Variants in SCTR observed in about 807,000 individuals in gnomAD.
SCTR encodes pancreatic secretin receptor.
In SCTR, 56 loss-of-function variants were observed where a neutral mutation model predicts 60.8. That is an observed-to-expected ratio of 0.92 (90% confidence interval 0.74 to 1.15). The LOEUF is 1.15. SCTR is among the 50% of genes most tolerant of loss of function. The pLI is 0.00. For synonymous variants in SCTR, 202 were observed against 217.0 expected (o/e 0.93, Z 0.61); for missense variants, 562 against 550.4 (o/e 1.02, Z -0.21).
At chr2:119,440,469 C>A (rs536267211) in intron 12 of SCTR, among the ~76,000 whole-genome samples, 13 of 152,352 alleles carry the variant, frequency 8.5e-5, no homozygotes, top group African/African-American at 3.1e-4. Context: ...CACCTGCAAT[C>A]TCATTACATC....
At chr2:119,514,065 G>A (rs774850719) in intron 1 of SCTR, among the ~76,000 whole-genome samples, 23 of 152,180 alleles carry the variant, frequency 1.5e-4, no homozygotes, top group Non-Finnish European at 2.6e-4. Context: ...ACATAGTCGT[G>A]GTTGGTCCCA....
chr2:119,494,722 A>G (rs1362915311), intron 1 of SCTR, among the ~76,000 whole-genome samples, 174 bp from the exon 2 acceptor site: 1 of 152,222 alleles, frequency 6.6e-6, no homozygotes. Context: ...CTGGGAGAGA[A>G]TTCAGAACAC....
At chr2:119,507,666 TTTTTTTTTTTTTTC>T (rs1336046325) in intron 1 of SCTR, among the ~76,000 whole-genome samples, 3 of 131,780 alleles carry the variant, frequency 2.3e-5, no homozygotes, top group East Asian at 3.2e-4. Context: ...TCTCGTTCTT[TTTTTTTTTTTTTTC>T]TTTTTTTTTT....
At chr2:119,465,224 G>T (rs1206039995) in intron 5 of SCTR, among the ~76,000 whole-genome samples, 1 of 152,168 alleles carries the variant, frequency 6.6e-6, no homozygotes, top group Non-Finnish European at 1.5e-5. Context: ...GCTCTTGTTG[G>T]CCCTGGTGTT....
At chr2:119,498,545 A>G (rs1678428551) in intron 1 of SCTR, among the ~76,000 whole-genome samples, 1 of 152,120 alleles carries the variant, frequency 6.6e-6, no homozygotes, top group Non-Finnish European at 1.5e-5. Context: ...TTTTATTCTA[A>G]ATGTATATCA....
chr2:119,483,249 G>A (rs144776370), intron 2 of SCTR, among the ~76,000 whole-genome samples: 41 of 152,352 alleles, frequency 2.7e-4, no homozygotes, highest in Middle Eastern at 3.4e-3. Context: ...ACATCCTGGA[G>A]CTGAGGTTGA....
chr2:119,481,029 C>T lies in SCTR; in HGVS notation c.194-2111G>A, dbSNP rs1258888802. ...GCTATCCAGAGGAAGAGCTCAAAGC[C>T]CAACTGAAAAGCCTGCCCAGAGCAG... On this transcript the variant is annotated intron_variant, in intron 2 of 12. Coordinates refer to ENST00000019103, the MANE Select transcript of SCTR (RefSeq NM_002980.3). 4.6e-5 allele frequency among the ~76,000 whole-genome samples: 7 copies of T among 152,244 alleles called. No homozygotes were observed. In the East Asian group the frequency reaches 1.3e-3, roughly 29 times the overall value.
chr2:119,475,552 C>G (rs1025647830), intron 3 of SCTR, among the ~76,000 whole-genome samples: 4 of 150,766 alleles, frequency 2.7e-5, no homozygotes, highest in East Asian at 2.0e-4. Context: ...GGAAACTTAA[C>G]CAGGCACAGG....
Position 119,490,946 on chromosome 2 carries a change from C to T in SCTR, c.193+3482G>A, listed in dbSNP as rs373743638. On this transcript the variant is annotated intron_variant, in intron 2 of 12. Coordinates refer to ENST00000019103, the MANE Select transcript of SCTR (RefSeq NM_002980.3). ...GCACTGGTGGATGCATCCTCCAGCT[C>T]CTGTGCGACTTGGAGGCGTGTGTTC... 1.1e-4 allele frequency among the ~76,000 whole-genome samples: 16 copies of T among 152,296 alleles called. No homozygotes were observed. The East Asian group carries it at 2.5e-3, about 24-fold the overall frequency.
Position 119,478,901 on chromosome 2 carries a change from C to T in SCTR, c.211G>A (p.Asp71Asn). 6.2e-7 allele frequency: 1 copy of T among 1,614,204 alleles called. No individual in the cohort carries two copies. ...QPVPGCEGMW[D>N]NISCWPSSVP... ...GAAGAGGGCCAGCAGCTTATGTTGTCCCACATCCCCTCACAACCTGCCAAG... is the reference window on the plus strand; with the variant it reads ...GAAGAGGGCCAGCAGCTTATGTTGTTCCACATCCCCTCACAACCTGCCAAG... Residue 71 changes from aspartate to asparagine, a missense_variant, in exon 3 of 13, where the codon GAC (aspartate) becomes AAC (asparagine). Transcript: ENST00000019103.
chr2:119,494,290 A>T, intron 2 of SCTR, 138 bp downstream of exon 2: 1 of 929,334 alleles, frequency 1.1e-6, no homozygotes, highest in Non-Finnish European at 1.6e-6. Flanking sequence ...GCCCTGCCCC[A>T]CCAGCTGATT....
chr2:119,500,115 A>G (rs1010690855), intron 1 of SCTR, among the ~76,000 whole-genome samples: 1 of 152,186 alleles, frequency 6.6e-6, no homozygotes, highest in Non-Finnish European at 1.5e-5. Context: ...ATCACTAATC[A>G]TTAGAAAAAT....
intron 4 of SCTR, 27 bp from the exon 5 acceptor site, chr2:119,465,913 C>T (rs780409056): frequency 5.8e-6 from 9 of 1,542,898 alleles, no homozygotes; most frequent in Admixed American, 3.3e-5. Context: ...GTGTCAGCCC[C>T]GCCGGCCCTC....
At chr2:119,496,330 G>A (rs902395946) in intron 1 of SCTR, among the ~76,000 whole-genome samples, 2 of 152,190 alleles carry the variant, frequency 1.3e-5, no homozygotes, top group Admixed American at 6.5e-5. Flanking sequence ...TAGATGGTAA[G>A]TGTCACAGAA....
chr2:119,473,315 CA>C (rs1406165892), intron 4 of SCTR, 137 bp downstream of exon 4: 4 of 623,060 alleles, frequency 6.4e-6, no homozygotes, highest in East Asian at 5.5e-5. Flanking sequence ...GGCATGGGGA[CA>C]GGGGGTAGCC....
At chr2:119,459,084 G>C (rs1683497938) in intron 7 of SCTR, among the ~76,000 whole-genome samples, 1 of 152,148 alleles carries the variant, frequency 6.6e-6, no homozygotes, top group Non-Finnish European at 1.5e-5. Flanking sequence ...CATATCCTGG[G>C]ATTCTGTATT....
In SCTR at chr2:119,478,864, C is replaced by G. The variant is rs146299407; in HGVS notation, c.248G>C (p.Arg83Pro). 6.2e-7 allele frequency: 1 copy of G among 1,614,176 alleles called. No individual in the cohort carries two copies. The highest frequency in any genetic ancestry group is 1.1e-5 in the South Asian group (1 of 91,082). ...TCTCGGGCATTCCACCTCCACCATC[C>G]GGCCCGGCACAGAAGAGGGCCAGCA... Reference protein sequence around the residue: ...ISCWPSSVPGRMVEVECPRFL... With the variant: ...ISCWPSSVPGPMVEVECPRFL... The change falls in exon 3 of 13, where the codon CGG (arginine) becomes CCG (proline). Residue 83 changes from arginine (R) to proline (P), a missense_variant. Physicochemically the swap from Arg to Pro is moderately radical, Grantham distance 103. Transcript: ENST00000019103.
At chr2:119,460,303 G>C (rs1321608855) in intron 7 of SCTR, among the ~76,000 whole-genome samples, 2 of 152,124 alleles carry the variant, frequency 1.3e-5, no homozygotes, top group African/African-American at 4.8e-5. Context: ...AAGCCTTTGA[G>C]TCACTCACAG....
intron 1 of SCTR, among the ~76,000 whole-genome samples, chr2:119,521,636 T>A (rs1679289254): frequency 6.6e-6 from 1 of 152,084 alleles, no homozygotes; most frequent in South Asian, 2.1e-4. Flanking sequence ...TTCTGACGCC[T>A]CCCTATATGG....
Sources: gnomAD v4.1 joint callset for allele counts (sites outside exome capture counted in the v4.1 genomes callset) on GRCh38, gnomAD v4.1.1 for gene constraint, MANE v1.5 for transcripts, NCBI Gene and HGNC (gene_info 2026-07-23, HGNC 2026-07-21) for gene names.